Variants in PDE7A observed in about 807,000 individuals in gnomAD.
PDE7A encodes high affinity 3',5'-cyclic-AMP phosphodiesterase 7A.
In PDE7A, 39 loss-of-function variants were observed where a neutral mutation model predicts 64.3. The ratio of observed to expected loss-of-function variants is 0.61; its 90% CI spans 0.47 to 0.79. The LOEUF is 0.79. PDE7A is among the 30% of genes least tolerant of loss of function. PDE7A has a pLI of 0.00. For missense variants in PDE7A, 470 were observed against 582.8 expected, an observed-to-expected ratio of 0.81 and a Z score of 1.99; for synonymous variants, 203 against 206.8, an observed-to-expected ratio of 0.98 and a Z score of 0.16.
At chr8:65,728,216 C>A (rs1032209286) in intron 7 of PDE7A, 4 of 152,088 alleles carry the variant, frequency 2.6e-5, no homozygotes. Context: ...TGAGCATACA[C>A]CACTTATATT....
intron 1 of PDE7A, among the ~76,000 whole-genome samples, chr8:65,840,427 CA>C (rs1811053837): frequency 1.4e-5 from 2 of 142,858 alleles, no homozygotes; most frequent in Admixed American, 1.4e-4. Context: ...CACACACACA[CA>C]CACCTTGCTC....
intron 3 of PDE7A, among the ~76,000 whole-genome samples, chr8:65,779,266 A>G (rs1037805827): frequency 6.6e-6 from 1 of 152,182 alleles, no homozygotes; most frequent in Non-Finnish European, 1.5e-5. Context: ...TATAGGCCAA[A>G]TCCACAAAGA....
intron 3 of PDE7A, among the ~76,000 whole-genome samples, chr8:65,757,983 C>T (rs560026435): frequency 6.6e-6 from 1 of 152,258 alleles, no homozygotes; most frequent in Admixed American, 6.5e-5. Flanking sequence ...CATTTATTTA[C>T]CCTCAGTTAT....
At position 65,718,425 on chromosome 8, in the gene PDE7A, T is replaced by C. The variant is rs1323086481; in HGVS notation, c.*865A>G. 6.6e-6 allele frequency: 1 copy of C among 152,260 alleles called. No homozygotes were observed. The highest frequency in any genetic ancestry group is 2.4e-5 in the African/African-American group (1 of 41,466). 9.4% of individuals were successfully genotyped at this position (152,260 alleles called of 1,614,324 possible). A position where few individuals can be genotyped will look rare whatever the true frequency, so the allele number is the denominator to read the frequency against. ...ATTGGCAAATACCCTGAGCTGATTA[T>C]GGTGTTTTAAACATTCCACCTTTTT... is the stretch of plus-strand genomic sequence containing the variant. On this transcript the variant is annotated 3_prime_UTR_variant, in exon 13 of 13. Coordinates refer to ENST00000401827, the MANE Select transcript of PDE7A (RefSeq NM_001242318.3).
At chr8:65,835,690 C>T (rs1563525634) in intron 1 of PDE7A, among the ~76,000 whole-genome samples, 1 of 152,218 alleles carries the variant, frequency 6.6e-6, no homozygotes, top group Non-Finnish European at 1.5e-5. Context: ...AAAGTGAGCT[C>T]CCTCTCTTCC....
intron 9 of PDE7A, chr8:65,725,661 G>A (rs1158108906): frequency 6.6e-6 from 1 of 152,006 alleles, no homozygotes; most frequent in African/African-American, 2.4e-5. Flanking sequence ...GATCAGTAAA[G>A]AGCTGTCAAA....
At chr8:65,740,614 C>A (rs1467574119) in intron 5 of PDE7A, among the ~76,000 whole-genome samples, 1 of 152,122 alleles carries the variant, frequency 6.6e-6, no homozygotes, top group Non-Finnish European at 1.5e-5. Context: ...GTTGGCCAGG[C>A]TGGTCTCGAA....
intron 1 of PDE7A, among the ~76,000 whole-genome samples, chr8:65,815,077 T>A (rs1171647089): frequency 4.2e-5 from 6 of 141,430 alleles, no homozygotes; most frequent in Non-Finnish European, 7.5e-5. Context: ...TGAGACTCCA[T>A]CTCAAAAAAA....
At chr8:65,824,097 C>T (rs185311589) in intron 1 of PDE7A, among the ~76,000 whole-genome samples, 6 of 152,316 alleles carry the variant, frequency 3.9e-5, no homozygotes. Context: ...AGGTCTGTGG[C>T]AACTGCACCT....
Position 65,719,060 on chromosome 8 carries a change from T to C in PDE7A, c.*230A>G. 1.8e-6 allele frequency: 1 copy of C among 556,818 alleles called. No homozygotes were observed. Among genetic ancestry groups the C allele is most frequent in the Non-Finnish European group, 3.2e-6 (1 of 311,156 alleles). The allele number at this position is 556,818 out of a possible 1,614,324, so 34.5% of individuals were successfully genotyped here. A position where few individuals can be genotyped will look rare whatever the true frequency, so the allele number is the denominator to read the frequency against. On this transcript the variant is annotated 3_prime_UTR_variant, in exon 13 of 13. Transcript: ENST00000401827. ...GGATTCTCTCCTGCTGGGCTTTGCA[T>C]ATTCAAGGTTTCACATGAAAGCCAA...
At position 65,841,556 on chromosome 8, in the gene PDE7A, G is replaced by T; in HGVS notation, c.-48C>A. On this transcript the variant is annotated 5_prime_UTR_variant, in exon 1 of 13. Coordinates refer to ENST00000401827, the MANE Select transcript of PDE7A (RefSeq NM_001242318.3). ...GCGCGGCGCCCGCCCTGCCGCGGCC[G>T]CCGGCCCCTGCAGTGGGAGGGGGCC... The T allele has an allele frequency of 7.7e-7, 1 of 1,301,666 alleles. No individual in the cohort carries two copies. Among genetic ancestry groups the T allele is most frequent in the Non-Finnish European group, 9.9e-7 (1 of 1,005,134 alleles). The allele number at this position is 1,301,666 out of a possible 1,614,324, so 80.6% of individuals were successfully genotyped here. A position where few individuals can be genotyped will look rare whatever the true frequency, so the allele number is the denominator to read the frequency against.
At chr8:65,771,884 CAAAAAAAAAAAAAA>C (rs36101490) in intron 3 of PDE7A, among the ~76,000 whole-genome samples, 1 of 55,836 alleles carries the variant, frequency 1.8e-5, no homozygotes, top group South Asian at 8.9e-4. Flanking sequence ...CTCCATCTCT[CAAAAAAAAAAAAAA>C]AAAAAAAAAG....
chr8:65,724,698 T>C, intron 10 of PDE7A, 79 bp downstream of exon 10: 1 of 1,243,164 alleles, frequency 8.0e-7, no homozygotes, highest in Non-Finnish European at 1.1e-6. Flanking sequence ...TCTGAAAAAC[T>C]ACACTAGAAT....
intron 1 of PDE7A, among the ~76,000 whole-genome samples, chr8:65,839,634 T>A (rs926079153): frequency 3.3e-5 from 5 of 152,212 alleles, no homozygotes; most frequent in African/African-American, 7.2e-5. Context: ...GAAATTTTTT[T>A]AAAAGTTGTA....
At chr8:65,773,725 G>C (rs545820118) in intron 3 of PDE7A, among the ~76,000 whole-genome samples, 1 of 152,158 alleles carries the variant, frequency 6.6e-6, no homozygotes, top group South Asian at 2.1e-4. Context: ...TGGTTTCCTA[G>C]TGATTTAGAT....
Position 65,719,210 on chromosome 8 carries a change from G to A in PDE7A, c.*80C>T. On this transcript the variant is annotated 3_prime_UTR_variant, in exon 13 of 13. Transcript: ENST00000401827. ...CACTTGGAAACCTTGGCAGTCAAGA[G>A]TTAAGTTCTCTCACCTCAAGACCCC... 3.2e-6 allele frequency: 3 copies of A among 926,664 alleles called. No individual in the cohort carries two copies. In the Admixed American group the frequency reaches 5.4e-5, roughly 17 times the overall value. 57.4% of individuals were successfully genotyped at this position (926,664 alleles called of 1,614,324 possible). A position where few individuals can be genotyped will look rare whatever the true frequency, so the allele number is the denominator to read the frequency against.
chr8:65,734,436 T>C (rs894907361), intron 7 of PDE7A, among the ~76,000 whole-genome samples: 3 of 152,152 alleles, frequency 2.0e-5, no homozygotes, highest in Admixed American at 6.5e-5. Flanking sequence ...CCAGGATAAT[T>C]TTCTAAAGTC....
Position 65,749,045 on chromosome 8 carries a change from T to C in PDE7A, c.284-1242A>G, listed in dbSNP as rs115511919. ...GCTCCAAGTCTGGCTCTTTGTAGAC[T>C]TGACTCAGCTGTCACCTTCCCTGGG... On this transcript the variant is annotated intron_variant, in intron 3 of 12. Coordinates refer to ENST00000401827, the MANE Select transcript of PDE7A (RefSeq NM_001242318.3). 1.5e-3 allele frequency among the ~76,000 whole-genome samples: 232 copies of C among 152,332 alleles called. 1 individual carries two copies. The highest frequency in any genetic ancestry group is 5.3e-3 in the African/African-American group (221 of 41,582).
intron 7 of PDE7A, among the ~76,000 whole-genome samples, chr8:65,732,358 C>A (rs894141416): frequency 1.1e-4 from 16 of 152,104 alleles, no homozygotes; most frequent in Non-Finnish European, 1.6e-4. Flanking sequence ...CTGCCTCCCC[C>A]ACTAGGATGT....
Sources: gnomAD v4.1 joint callset for allele counts (sites outside exome capture counted in the v4.1 genomes callset) on GRCh38, gnomAD v4.1.1 for gene constraint, MANE v1.5 for transcripts, NCBI Gene and HGNC (gene_info 2026-07-23, HGNC 2026-07-21) for gene names.